The following ABCC8 variants were observed in gnomAD, a reference collection of about 807,000 sequenced individuals.
ABCC8 encodes the protein ATP binding cassette subfamily C member 8.
ABCC8 carries 137 observed loss-of-function variants against 188.0 expected under a neutral mutation model. The observed-to-expected ratio is 0.73, with a 90% CI of 0.63 to 0.84. The LOEUF is 0.84. ABCC8 is among the 40% of genes least tolerant of loss of function. The pLI, the probability that ABCC8 is intolerant of heterozygous loss-of-function variation, is 0.00. For synonymous variants in ABCC8, 797 were observed against 846.5 expected (o/e 0.94, Z 1.01); for missense variants, 1,750 against 2,072.7 (o/e 0.84, Z 3.02).
intron 7 of ABCC8, among the ~76,000 whole-genome samples, chr11:17,450,250 TTCTTTCTTTCTC>T (rs1564958598): frequency 4.3e-5 from 3 of 70,160 alleles, no homozygotes; most frequent in Non-Finnish European, 8.8e-5. Context: ...TTCTTTTTCT[TTCTTTCTTTCTC>T]TTTCTTTCTT....
chr11:17,419,253 T>C (rs1213372442), intron 16 of ABCC8, among the ~76,000 whole-genome samples: 1 of 152,246 alleles, frequency 6.6e-6, no homozygotes, highest in Non-Finnish European at 1.5e-5. Flanking sequence ...CTCCTCTGCC[T>C]GCACTCTAGG....
intron 28 of ABCC8, 72 bp from the exon 29 acceptor site, chr11:17,402,825 C>T: frequency 1.3e-6 from 2 of 1,561,916 alleles, no homozygotes; most frequent in Admixed American, 3.3e-5. Flanking sequence ...AAGCCTAGCT[C>T]CACCTGCTAC....
chr11:17,406,803 A>G lies in ABCC8; in HGVS notation c.3163-15T>C, dbSNP rs1288374948. ...AGGGTGCACTCCTTCACAGGCAGAG[A>G]GTGATTTGGAGTTCCAGGGTGCCCA... On this transcript the variant is annotated splice_polypyrimidine_tract_variant and intron_variant, in intron 25 of 38. Transcript: ENST00000389817. 2 of 1,614,006 alleles carry G rather than the reference A, an allele frequency of 1.2e-6. No homozygotes were observed. Among genetic ancestry groups the G allele is most frequent in the African/African-American group, 1.3e-5 (1 of 74,906 alleles).
chr11:17,408,572 C>A, intron 22 of ABCC8, 55 bp from the exon 23 acceptor site: 2 of 1,582,320 alleles, frequency 1.3e-6, no homozygotes, highest in South Asian at 2.3e-5. Context: ...GAATGGTGGT[C>A]ACATCCCTCA....
chr11:17,416,597 G>A (rs540003791), intron 17 of ABCC8, among the ~76,000 whole-genome samples: 1 of 151,882 alleles, frequency 6.6e-6, no homozygotes. Flanking sequence ...ATACACATTG[G>A]CAGTCCCTTC....
chr11:17,410,578 C>A lies in ABCC8; in HGVS notation c.2632G>T (p.Asp878Tyr). Residue 878 changes from aspartate (D) to tyrosine (Y), a missense_variant, in exon 22 of 39, where the codon GAC becomes TAC. Coordinates refer to ENST00000389817, the MANE Select transcript of ABCC8 (RefSeq NM_000352.6). ...ACTAAGACCACTGTCCTCTTGTCGT[C>A]CCGGAGCAGCTCAAGGATGCCGGCC... is the stretch of plus-strand genomic sequence containing the variant. ...MQAGILELLR[D>Y]DKRTVVLVTH... is the part of the protein sequence containing the mutation. 6.2e-7 allele frequency: 1 copy of A among 1,614,130 alleles called. No homozygotes were observed. The highest frequency in any genetic ancestry group is 8.5e-7 in the Non-Finnish European group (1 of 1,180,016).
In ABCC8 at chr11:17,440,291, A is replaced by G. The variant is rs567928823; in HGVS notation, c.1630+2429T>C. 5.9e-5 allele frequency among the ~76,000 whole-genome samples: 9 copies of G among 152,168 alleles called. No homozygotes were observed. In the East Asian group the frequency reaches 1.7e-3, roughly 29 times the overall value. On this transcript the variant is annotated intron_variant, in intron 10 of 38. Transcript: ENST00000389817. ...CTCTCCCACCTCGGCAGCTGTTCCTACTGCTGGGAACTGTCTCTAAACCTG... is the reference window on the plus strand; with the variant it reads ...CTCTCCCACCTCGGCAGCTGTTCCTGCTGCTGGGAACTGTCTCTAAACCTG...
At chr11:17,430,695 C>A in intron 12 of ABCC8, 119 bp downstream of exon 12, 1 of 1,207,620 alleles carries the variant, frequency 8.3e-7, no homozygotes, top group Non-Finnish European at 1.2e-6. Context: ...TACAGCAAGG[C>A]CCAGCAATGG....
chr11:17,412,046 C>T (rs187222747), intron 21 of ABCC8, among the ~76,000 whole-genome samples: 48 of 152,126 alleles, frequency 3.2e-4, no homozygotes, highest in African/African-American at 1.1e-3. Context: ...GCGCCCGCCA[C>T]CGCACCCAGC....
At chr11:17,456,873 C>A (rs1218440871) in intron 6 of ABCC8, among the ~76,000 whole-genome samples, 1 of 152,206 alleles carries the variant, frequency 6.6e-6, no homozygotes, top group Non-Finnish European at 1.5e-5. Context: ...TCCTTCTTTG[C>A]AGAACCATTT....
chr11:17,442,352 T>TA (rs1281358224), intron 10 of ABCC8, among the ~76,000 whole-genome samples: 8 of 152,334 alleles, frequency 5.3e-5, no homozygotes, highest in Admixed American at 3.9e-4. Context: ...TCTGACTTAC[T>TA]AAAAAGTCTT....
chr11:17,434,984 C>CGCGCGCGTGTGTGTGT (rs71457876), intron 10 of ABCC8, among the ~76,000 whole-genome samples: 1 of 144,650 alleles, frequency 6.9e-6, no homozygotes, highest in African/African-American at 2.6e-5. Flanking sequence ...CGTGTGTTCG[C>CGCGCGCGTGTGTGTGT]GTGTGTGTGT....
chr11:17,467,042 C>CCACACACACACACACACACACACACACA (rs569546580), intron 3 of ABCC8, among the ~76,000 whole-genome samples: 1 of 132,312 alleles, frequency 7.6e-6, no homozygotes, highest in African/African-American at 2.9e-5. Context: ...ACATGTTAAA[C>CCACACACACACACACACACACACACACA]CACACACACA....
chr11:17,448,175 C>T (rs1956612416), intron 8 of ABCC8: 1 of 339,584 alleles, frequency 2.9e-6, no homozygotes, highest in Non-Finnish European at 5.6e-6. Context: ...GTCTTGAACT[C>T]CTGTGCTCAT....
intron 16 of ABCC8, among the ~76,000 whole-genome samples, chr11:17,424,161 C>T (rs918721626): frequency 2.6e-5 from 4 of 151,714 alleles, no homozygotes; most frequent in Admixed American, 6.6e-5. Context: ...CCGAGCCTGT[C>T]GGGGGGTGGG....
chr11:17,406,383 G>C, intron 26 of ABCC8: 1 of 579,776 alleles, frequency 1.7e-6, no homozygotes, highest in Admixed American at 3.0e-5. Context: ...ACTTTAAAGG[G>C]CCATGGTAAC....
At chr11:17,471,590 C>T (rs1217142771) in intron 2 of ABCC8, among the ~76,000 whole-genome samples, 1 of 152,214 alleles carries the variant, frequency 6.6e-6, no homozygotes, top group Admixed American at 6.5e-5. Context: ...TACTCCTTTG[C>T]CAGTGTTGGT....
intron 10 of ABCC8, among the ~76,000 whole-genome samples, chr11:17,441,957 G>A (rs910264554): frequency 6.6e-6 from 1 of 152,124 alleles, no homozygotes; most frequent in Non-Finnish European, 1.5e-5. Flanking sequence ...GTGTGTGCCT[G>A]TAGTCCCAGC....
At chr11:17,423,477 G>A (rs1591786469) in intron 16 of ABCC8, among the ~76,000 whole-genome samples, 2 of 151,946 alleles carry the variant, frequency 1.3e-5, no homozygotes, top group African/African-American at 4.8e-5. Flanking sequence ...CGTCACTGTG[G>A]ACGCTGGAGA....
Sources: gnomAD v4.1 joint callset for allele counts (sites outside exome capture counted in the v4.1 genomes callset) on GRCh38, gnomAD v4.1.1 for gene constraint, MANE v1.5 for transcripts, NCBI Gene and HGNC (gene_info 2026-07-23, HGNC 2026-07-21) for gene names.